BIN1: variants seen among roughly 807,000 people sequenced by gnomAD.
BIN1 encodes the protein myc box-dependent-interacting protein 1.
A neutral mutation model predicts 82.0 loss-of-function variants in BIN1; 53 were observed. That is an observed-to-expected ratio of 0.65 (90% confidence interval 0.52 to 0.81). The LOEUF (loss-of-function observed/expected upper bound fraction) is 0.81. Ranked by LOEUF, BIN1 falls within the 40% of genes least tolerant of loss-of-function variation. BIN1 has a pLI of 0.00. For synonymous variants in BIN1, 302 were observed against 328.0 expected (o/e 0.92, Z 0.86); for missense variants, 642 against 784.4 (o/e 0.82, Z 2.17).
chr2:127,076,538 C>A, intron 2 of BIN1, 88 bp downstream of exon 2: 7 of 1,468,024 alleles, frequency 4.8e-6, no homozygotes, highest in Non-Finnish European at 6.7e-6. Flanking sequence ...TCCAAGCTCT[C>A]GTACTCCACA....
At position 127,090,725 on chromosome 2, in the gene BIN1, G is replaced by T. The variant is rs556133185; in HGVS notation, c.85-14019C>A. On this transcript the variant is annotated intron_variant, in intron 1 of 18. Transcript: ENST00000316724. This position sits in a 1 kb window ranked among gnomAD's most constrained non-coding sequence, Gnocchi z 6.4. ...GCGGTGGCAGCTCCCCAGCAGCCAG[G>T]GCAGGGGAGGGGGAAGGTCTGGCCA... 2.0e-5 allele frequency among the ~76,000 whole-genome samples: 3 copies of T among 152,308 alleles called. No individual in the cohort carries two copies. The South Asian group carries it at 6.2e-4, about 32-fold the overall frequency.
At position 127,050,424 on chromosome 2, in the gene BIN1, C is replaced by G; in HGVS notation, c.1671G>C (p.Glu557Asp). The G allele has an allele frequency of 6.2e-7, 1 of 1,614,142 alleles. No individual in the cohort carries two copies. The highest frequency in any genetic ancestry group is 8.5e-7 in the Non-Finnish European group (1 of 1,180,016). Residue 557 changes from glutamate to aspartate, a missense_variant, in exon 18 of 19, where the codon GAG becomes GAC. Physicochemically the swap from Glu to Asp is conservative, Grantham distance 45. Coordinates refer to ENST00000316724, the MANE Select transcript of BIN1 (RefSeq NM_139343.3). ...GGCGGCCCCACCCAGCCCTCACCTG[C>G]TCTTCAGGGTTCTGGAAGGGGATCA... is the stretch of plus-strand genomic sequence containing the variant. ...VLVIPFQNPE[E>D]QDEGWLMGVK...
intron 10 of BIN1, among the ~76,000 whole-genome samples, chr2:127,061,446 A>T (rs2104980541): frequency 6.6e-6 from 1 of 152,258 alleles, no homozygotes; most frequent in East Asian, 1.9e-4. Flanking sequence ...GTGGGTATGC[A>T]CACACTTACA....
Position 127,107,059 on chromosome 2 carries a change from G to T in BIN1, c.-116C>A. On this transcript the variant is annotated 5_prime_UTR_variant, in exon 1 of 19. Coordinates refer to ENST00000316724, the MANE Select transcript of BIN1 (RefSeq NM_139343.3). The surrounding 1 kb of genome is among the most constrained non-coding windows in gnomAD (Gnocchi z 5.9). ...TCCAGACCGGCTGCCGCTCCACGCC[G>T]CGCACCCGACAGCGGAGCCAACTGA... is the stretch of plus-strand genomic sequence containing the variant. 9.1e-7 allele frequency: 1 copy of T among 1,096,354 alleles called. No homozygotes were observed. Among genetic ancestry groups the T allele is most frequent in the Non-Finnish European group, 1.2e-6 (1 of 835,552 alleles). 67.9% of individuals were successfully genotyped at this position (1,096,354 alleles called of 1,614,324 possible).
Position 127,057,205 on chromosome 2 carries a change from G to A in BIN1, c.1131+268C>T, listed in dbSNP as rs3754618. Among the ~76,000 whole-genome samples the A allele has an allele frequency of 0.32, 48,310 of 152,186 alleles. 11,014 individuals are homozygous for A. The highest frequency in any genetic ancestry group is 0.65 in the African/African-American group (27,049 of 41,510). On this transcript the variant is annotated intron_variant, in intron 12 of 18. Coordinates refer to ENST00000316724, the MANE Select transcript of BIN1 (RefSeq NM_139343.3). This position sits in a 1 kb window ranked among gnomAD's most constrained non-coding sequence, Gnocchi z 5.0. ...TCTGCCATAGCACCCACTGCGTCGC[G>A]AGGGCGCTGCTGATGTAACTGCTGC...
At chr2:127,077,894 G>C (rs959123457) in intron 1 of BIN1, among the ~76,000 whole-genome samples, 41 of 152,228 alleles carry the variant, frequency 2.7e-4, no homozygotes, top group African/African-American at 8.4e-4. Flanking sequence ...GAATGAGAAG[G>C]AAACGGGGGT....
At chr2:127,053,115 G>A (rs1042090701) in intron 14 of BIN1, 24 of 484,810 alleles carry the variant, frequency 5.0e-5, no homozygotes, top group Non-Finnish European at 8.7e-5. Context: ...CTGGGTGACC[G>A]GCCCACTTCT....
intron 15 of BIN1, 107 bp downstream of exon 15, chr2:127,052,148 C>G (rs796993274): frequency 8.5e-7 from 1 of 1,178,540 alleles, no homozygotes; most frequent in African/African-American, 1.5e-5. Flanking sequence ...ACCCTCACAT[C>G]CATGGTGGCC....
At chr2:127,050,652 T>A (rs1682802062) in intron 17 of BIN1, 130 bp from the exon 18 acceptor site, 2 of 1,313,920 alleles carry the variant, frequency 1.5e-6, no homozygotes, top group Non-Finnish European at 2.2e-6. Flanking sequence ...AGCAGGACAG[T>A]ATGGGGCTCA....
At chr2:127,094,182 C>G (rs1309531053) in intron 1 of BIN1, among the ~76,000 whole-genome samples, 2 of 152,226 alleles carry the variant, frequency 1.3e-5, no homozygotes, top group African/African-American at 4.8e-5. Context: ...GTAACTTGTC[C>G]AAGGTCAAAG....
At chr2:127,091,750 A>G in intron 1 of BIN1, among the ~76,000 whole-genome samples, 1 of 151,894 alleles carries the variant, frequency 6.6e-6, no homozygotes, top group East Asian at 1.9e-4. Flanking sequence ...TTTTTTAATT[A>G]GCCAGGTGTG....
Position 127,060,617 on chromosome 2 carries a change from C to T in BIN1, c.858-1462G>A, listed in dbSNP as rs117721706. On this transcript the variant is annotated intron_variant, in intron 10 of 18. Transcript: ENST00000316724. ...GTACCTGTTCTTCTTTCTGCGCAGC[C>T]GCGAAAACAGTTTACTTTTCTTTCT... 6.6e-4 allele frequency: 1,063 copies of T among 1,614,208 alleles called. 9 individuals carry two copies. In the East Asian group the frequency reaches 0.019, roughly 29 times the overall value.
chr2:127,083,190 A>G (rs778187478), intron 1 of BIN1, among the ~76,000 whole-genome samples: 62 of 151,256 alleles, frequency 4.1e-4, no homozygotes, highest in Admixed American at 1.3e-3. Context: ...AGCTTAAACG[A>G]TCCGCCCACC....
chr2:127,104,432 G>C (rs1680759509), intron 1 of BIN1, among the ~76,000 whole-genome samples: 1 of 152,164 alleles, frequency 6.6e-6, no homozygotes, highest in African/African-American at 2.4e-5. Flanking sequence ...GTTTGGGCTG[G>C]AAGTGGATGT....
At chr2:127,092,913 G>A (rs1679119988) in intron 1 of BIN1, among the ~76,000 whole-genome samples, 1 of 152,018 alleles carries the variant, frequency 6.6e-6, no homozygotes, top group African/African-American at 2.4e-5. Context: ...TCCTCCCCAA[G>A]GGCTCTCTCC....
At chr2:127,050,698 G>C (rs188763849) in intron 17 of BIN1, 104 bp downstream of exon 17, 9 of 1,401,704 alleles carry the variant, frequency 6.4e-6, no homozygotes, top group Non-Finnish European at 9.1e-6. Context: ...ACCTAGTAGC[G>C]CCTGCACAAC....
chr2:127,103,511 C>T (rs1680614009), intron 1 of BIN1, among the ~76,000 whole-genome samples: 1 of 152,160 alleles, frequency 6.6e-6, no homozygotes, highest in Non-Finnish European at 1.5e-5. Context: ...ATGCTCAGGA[C>T]CTGCCGGGAG....
chr2:127,103,769 C>T (rs1680658047), intron 1 of BIN1, among the ~76,000 whole-genome samples: 1 of 152,212 alleles, frequency 6.6e-6, no homozygotes, highest in Non-Finnish European at 1.5e-5. Context: ...CCAGGCTCCA[C>T]CCTACACTGG....
chr2:127,053,163 C>G lies in BIN1; in HGVS notation c.1263+259G>C, dbSNP rs115126471. 2.9e-3 allele frequency: 1,664 copies of G among 569,550 alleles called. 19 individuals carry two copies. The highest frequency in any genetic ancestry group is 0.016 in the African/African-American group (868 of 53,522). 35.3% of individuals were successfully genotyped at this position (569,550 alleles called of 1,614,324 possible). A position where few individuals can be genotyped will look rare whatever the true frequency, so the allele number is the denominator to read the frequency against. On this transcript the variant is annotated intron_variant, in intron 14 of 18. Transcript: ENST00000316724. ...ACACTCACAGGCTGTGAAAACAGGA[C>G]CAGATCTCAGGGGACCCCTGTCTCA... is the stretch of plus-strand genomic sequence containing the variant.
Sources: allele counts gnomAD v4.1 joint callset (sites outside exome capture counted in the v4.1 genomes callset), GRCh38; gene constraint gnomAD v4.1.1; non-coding constraint Gnocchi (gnomAD v3.1); transcripts MANE v1.5; gene names NCBI Gene and HGNC (gene_info 2026-07-23, HGNC 2026-07-21).